Variants in HDAC9 observed in about 807,000 individuals in gnomAD.
HDAC9 encodes the protein MEF-2 interacting transcription repressor (MITR) protein.
In HDAC9, 41 loss-of-function variants were observed where a neutral mutation model predicts 139.4. The observed-to-expected ratio is 0.29, with a 90% confidence interval of 0.23 to 0.38. The LOEUF (loss-of-function observed/expected upper bound fraction) is 0.38, where lower values mean the gene tolerates loss of function less well. Among genes scored for constraint, HDAC9 ranks in the 10% least tolerant of loss-of-function variants. The probability of loss-of-function intolerance (pLI) is 1.00; values close to 1 mark genes in which losing one functional copy is unlikely to be tolerated. For missense variants in HDAC9, 1,147 were observed against 1,297.0 expected (o/e 0.88, Z 1.78); for synonymous variants, 517 against 476.2 (o/e 1.09, Z -1.12).
chr7:18,818,768 C>A (rs1794753967), intron 17 of HDAC9, among the ~76,000 whole-genome samples: 1 of 152,034 alleles, frequency 6.6e-6, no homozygotes, highest in Non-Finnish European at 1.5e-5. Flanking sequence ...GATTTTGAAG[C>A]CTAAATTACT....
intron 2 of HDAC9, among the ~76,000 whole-genome samples, chr7:18,501,919 A>T (rs1190376190): frequency 6.6e-6 from 1 of 152,194 alleles, no homozygotes; most frequent in Non-Finnish European, 1.5e-5. Context: ...AAAATGACAG[A>T]CAAGTAGGAC....
chr7:18,291,103 A>T (rs1366206235), intron 1 of HDAC9, among the ~76,000 whole-genome samples: 1 of 152,166 alleles, frequency 6.6e-6, no homozygotes, highest in Non-Finnish European at 1.5e-5. Flanking sequence ...CCTTCAATCT[A>T]GTTGAATTGC....
At chr7:18,214,692 G>A (rs534856869) in intron 2 of HDAC9, among the ~76,000 whole-genome samples, 90 of 152,058 alleles carry the variant, frequency 5.9e-4, no homozygotes, top group African/African-American at 1.6e-3. Context: ...TATATAATGT[G>A]TATAACATTT....
At chr7:18,772,431 C>G (rs1790376680) in intron 16 of HDAC9, among the ~76,000 whole-genome samples, 1 of 152,020 alleles carries the variant, frequency 6.6e-6, no homozygotes, top group Non-Finnish European at 1.5e-5. Flanking sequence ...GTTATTTCAA[C>G]CCAATTATCC....
intron 22 of HDAC9, among the ~76,000 whole-genome samples, chr7:18,933,828 C>T (rs1781431514): frequency 1.3e-5 from 2 of 151,740 alleles, no homozygotes; most frequent in African/African-American, 2.4e-5. Flanking sequence ...CAATAAGTCA[C>T]GAAATAGAAC....
At chr7:18,415,392 C>G (rs1371439436) in intron 1 of HDAC9, among the ~76,000 whole-genome samples, 1 of 152,156 alleles carries the variant, frequency 6.6e-6, no homozygotes, top group African/African-American at 2.4e-5. Context: ...GTACCTCTTC[C>G]TTCTTTAGAG....
intron 2 of HDAC9, among the ~76,000 whole-genome samples, chr7:18,569,773 C>G (rs114009888): frequency 0.012 from 1,789 of 152,200 alleles, 34 homozygotes; most frequent in African/African-American, 0.041. Flanking sequence ...GCCTCAGGCT[C>G]CTCTTTGTGG....
intron 2 of HDAC9, among the ~76,000 whole-genome samples, chr7:18,231,450 C>T (rs1240592201): frequency 6.6e-6 from 1 of 152,194 alleles, no homozygotes; most frequent in African/African-American, 2.4e-5. Context: ...GTGTTTAGGA[C>T]TACCTGAGTC....
At chr7:18,557,961 T>A (rs920787737) in intron 2 of HDAC9, among the ~76,000 whole-genome samples, 9 of 151,994 alleles carry the variant, frequency 5.9e-5, no homozygotes, top group African/African-American at 2.2e-4. Flanking sequence ...AAACCTAGAA[T>A]AAACAAGCAT....
Position 18,727,595 on chromosome 7 carries a change from A to G in HDAC9, c.1747A>G (p.Thr583Ala), listed in dbSNP as rs577942029. The change falls in exon 13 of 26, where the codon ACG becomes GCG. Residue 583 changes from threonine to alanine, a missense_variant. Thr to Ala is a moderately conservative substitution (Grantham distance 58). This residue lies in a region of HDAC9 where 256 missense variants were observed against 219.2 expected (regional missense o/e 1.17). Transcript: ENST00000686413. ...TTGGCAACAGCCTTTCCTGGAACCC[A>G]CGCACACACGTGCGCTCTCTGTGCG... is the stretch of plus-strand genomic sequence containing the variant. ...AFMQQPFLEP[T>A]HTRALSVRQA... 5 of 1,597,256 alleles carry G rather than the reference A, an allele frequency of 3.1e-6. No individual in the cohort carries two copies. The South Asian group carries it at 5.7e-5, about 18-fold the overall frequency.
chr7:18,607,034 TTAAAA>T (rs1298041508), intron 6 of HDAC9, among the ~76,000 whole-genome samples: 1 of 152,188 alleles, frequency 6.6e-6, no homozygotes, highest in African/African-American at 2.4e-5. Context: ...ATTTTTTACT[TTAAAA>T]TAACAAACAT....
At position 18,862,304 on chromosome 7, in the gene HDAC9, G is replaced by A. The variant is rs1406559008; in HGVS notation, c.2685-12174G>A. ...AGGGGGAAAAAAGTGTCCCTTTGGT[G>A]TATTAGATCTGGAACATAGAAAAAT... On this transcript the variant is annotated intron_variant, in intron 21 of 25. Coordinates refer to ENST00000686413, the MANE Select transcript of HDAC9 (RefSeq NM_178425.4). 6.1e-4 allele frequency among the ~76,000 whole-genome samples: 93 copies of A among 152,164 alleles called. 1 individual carries two copies. Among genetic ancestry groups the A allele is most frequent in the Admixed American group, 6.1e-3 (93 of 15,264 alleles).
chr7:18,164,816 G>A (rs150545460), intron 2 of HDAC9, among the ~76,000 whole-genome samples: 12 of 152,144 alleles, frequency 7.9e-5, no homozygotes, highest in African/African-American at 2.6e-4. Context: ...TAGAGCCTTG[G>A]GTATTGCTTT....
intron 2 of HDAC9, among the ~76,000 whole-genome samples, chr7:18,569,602 A>G (rs1435906438): frequency 6.6e-6 from 1 of 152,270 alleles, no homozygotes; most frequent in Non-Finnish European, 1.5e-5. Context: ...ATAAACAGAT[A>G]CTATGAGTTC....
intron 1 of HDAC9, among the ~76,000 whole-genome samples, chr7:18,436,494 A>T (rs1397882128): frequency 2.6e-5 from 4 of 152,190 alleles, no homozygotes; most frequent in African/African-American, 9.6e-5. Context: ...TGATAGACTG[A>T]TCTTTATGAA....
chr7:18,472,226 A>C (rs1225468321), intron 1 of HDAC9, among the ~76,000 whole-genome samples: 1 of 152,124 alleles, frequency 6.6e-6, no homozygotes, highest in African/African-American at 2.4e-5. Context: ...TTAATTCCAG[A>C]TTTAAAATCA....
At position 18,762,162 on chromosome 7, in the gene HDAC9, T is replaced by G; in HGVS notation, c.2049T>G (p.Ile683Met). The stretch of plus-strand genomic sequence containing the variant: ...CTTCTGCTATTTTCTTGCAGCGAAT[T>G]CAAGGTCGAAAAGCCAGCCTGGAGG... ...ETGLLNKCER[I>M]QGRKASLEEI... is the part of the protein sequence containing the mutation. Residue 683 changes from isoleucine (I) to methionine (M), a missense_variant, in exon 15 of 26, where the codon ATT (isoleucine) becomes ATG (methionine). By Grantham distance (10) the Ile-to-Met change is conservative (BLOSUM62 1). This residue lies in a region of HDAC9 where 407 missense variants were observed against 521.5 expected (regional missense o/e 0.78). Coordinates refer to ENST00000686413, the MANE Select transcript of HDAC9 (RefSeq NM_178425.4). The G allele has an allele frequency of 6.2e-7, 1 of 1,613,524 alleles. No individual in the cohort carries two copies.
chr7:18,724,831 G>C (rs1460721884), intron 12 of HDAC9, among the ~76,000 whole-genome samples: 2 of 152,190 alleles, frequency 1.3e-5, no homozygotes, highest in Non-Finnish European at 2.9e-5. Context: ...CCAGCATGGA[G>C]TGTGAGCTCA....
rs539523666 is a variant in HDAC9, at chr7:18,865,780, A to T, written c.2685-8698A>T. On this transcript the variant is annotated intron_variant, in intron 21 of 25. Coordinates refer to ENST00000686413, the MANE Select transcript of HDAC9 (RefSeq NM_178425.4). ...TGCATGAAAAAATGTGCAGTCTATA[A>T]TGTGCATTTTTGTTTTTGCCAGAAA... is the stretch of plus-strand genomic sequence containing the variant. Among the ~76,000 whole-genome samples, 5 of 152,236 alleles carry T rather than the reference A, an allele frequency of 3.3e-5. No homozygotes were observed. In the East Asian group the frequency reaches 9.6e-4, roughly 29 times the overall value.
Sources: gnomAD v4.1 joint callset for allele counts (sites outside exome capture counted in the v4.1 genomes callset) on GRCh38, gnomAD v4.1.1 for gene constraint, gnomAD v4.1.1 regional missense constraint, MANE v1.5 for transcripts, NCBI Gene and HGNC (gene_info 2026-07-23, HGNC 2026-07-21) for gene names.